The following PRLR variants were observed in gnomAD, a reference collection of about 807,000 sequenced individuals.
PRLR encodes hPRL receptor.
A neutral mutation model predicts 40.2 loss-of-function variants in PRLR; 13 were observed. That is an observed-to-expected ratio of 0.32 (90% CI 0.21 to 0.51). PRLR has a LOEUF of 0.51. Ranked by LOEUF, PRLR falls within the 20% of genes least tolerant of loss-of-function variation. PRLR has a pLI of 0.97. For missense variants in PRLR, 656 were observed against 747.3 expected (o/e 0.88, Z 1.42); for synonymous variants, 269 against 278.7 (o/e 0.97, Z 0.35).
chr5:35,148,516 T>C (rs1273870123), intron 1 of PRLR, among the ~76,000 whole-genome samples: 2 of 152,122 alleles, frequency 1.3e-5, no homozygotes, highest in Non-Finnish European at 2.9e-5. Flanking sequence ...CAGATTTGGG[T>C]TGGAATCCAA....
intron 1 of PRLR, among the ~76,000 whole-genome samples, chr5:35,209,874 C>T (rs1368900257): frequency 6.6e-6 from 1 of 152,232 alleles, no homozygotes; most frequent in Non-Finnish European, 1.5e-5. Flanking sequence ...CTATAGGCAT[C>T]TACTCTGGCC....
intron 1 of PRLR, among the ~76,000 whole-genome samples, chr5:35,167,138 C>CATCTATCTATCTATCTATCT (rs10524859): frequency 6.8e-6 from 1 of 147,270 alleles, no homozygotes; most frequent in Non-Finnish European, 1.5e-5. Flanking sequence ...GTTTGTCTAT[C>CATCTATCTATCTATCTATCT]ATCTATCTAT....
At chr5:35,109,409 T>C (rs115389997) in intron 2 of PRLR, among the ~76,000 whole-genome samples, 9,010 of 152,016 alleles carry the variant, frequency 0.059, 627 homozygotes, top group East Asian at 0.18. Context: ...GCAAAAGAAA[T>C]CACCATCAGA....
intron 1 of PRLR, among the ~76,000 whole-genome samples, chr5:35,208,770 T>C (rs1776088462): frequency 6.6e-6 from 1 of 152,016 alleles, no homozygotes; most frequent in Non-Finnish European, 1.5e-5. Flanking sequence ...TTTACATCTA[T>C]TAATGATAAA....
Position 35,060,735 on chromosome 5 carries a change from C to A in PRLR, c.*4354G>T, listed in dbSNP as rs1468737108. 4 of 152,198 alleles carry A rather than the reference C, an allele frequency of 2.6e-5. No homozygotes were observed. The highest frequency in any genetic ancestry group is 5.9e-5 in the Non-Finnish European group (4 of 68,026). The allele number at this position is 152,198 out of a possible 1,614,324, so 9.4% of individuals were successfully genotyped here. A position where few individuals can be genotyped will look rare whatever the true frequency, so the allele number is the denominator to read the frequency against. On this transcript the variant is annotated 3_prime_UTR_variant, in exon 10 of 10. Transcript: ENST00000618457. ...TTTGTTCACTCAAGAACACATGAGA[C>A]TTTCGTCAATGGCACATCTACGTTA...
intron 1 of PRLR, among the ~76,000 whole-genome samples, chr5:35,149,372 T>C (rs543242446): frequency 6.6e-6 from 1 of 152,326 alleles, no homozygotes; most frequent in South Asian, 2.1e-4. Flanking sequence ...GGAAGCTGTA[T>C]AGTTTTAGCA....
At chr5:35,217,566 T>A (rs1351911298) in intron 1 of PRLR, among the ~76,000 whole-genome samples, 1 of 152,196 alleles carries the variant, frequency 6.6e-6, no homozygotes, top group Non-Finnish European at 1.5e-5. Flanking sequence ...AGTCATAGCA[T>A]CTTGCGTGTG....
At chr5:35,205,288 A>G (rs1309359596) in intron 1 of PRLR, among the ~76,000 whole-genome samples, 1 of 152,138 alleles carries the variant, frequency 6.6e-6, no homozygotes, top group Non-Finnish European at 1.5e-5. Context: ...GGAAAATTCT[A>G]GATAATACCA....
intron 1 of PRLR, among the ~76,000 whole-genome samples, chr5:35,135,656 C>T (rs1470563430): frequency 6.6e-6 from 1 of 152,222 alleles, no homozygotes; most frequent in Admixed American, 6.5e-5. Context: ...CAGTATCTTC[C>T]TGTCTTTCCA....
chr5:35,099,870 C>G (rs249529), intron 2 of PRLR, among the ~76,000 whole-genome samples: 7,846 of 152,018 alleles, frequency 0.052, 465 homozygotes, highest in East Asian at 0.18. Context: ...GTGTTTTAAG[C>G]CAAGTATTAT....
intron 1 of PRLR, among the ~76,000 whole-genome samples, chr5:35,168,603 G>T (rs1049108473): frequency 3.3e-5 from 5 of 151,798 alleles, no homozygotes; most frequent in Admixed American, 2.6e-4. Flanking sequence ...TAATAAACCC[G>T]TGGGTCTAAG....
chr5:35,172,529 T>C (rs535520120), intron 1 of PRLR, among the ~76,000 whole-genome samples: 1 of 152,326 alleles, frequency 6.6e-6, no homozygotes, highest in South Asian at 2.1e-4. Flanking sequence ...CCTCTGACCC[T>C]TCCGACATGG....
chr5:35,204,329 T>G (rs948408190), intron 1 of PRLR, among the ~76,000 whole-genome samples: 1 of 151,992 alleles, frequency 6.6e-6, no homozygotes, highest in South Asian at 2.1e-4. Flanking sequence ...TGAGAGTATA[T>G]AATACTCAAG....
chr5:35,100,217 A>G (rs1417175095), intron 2 of PRLR, among the ~76,000 whole-genome samples: 1 of 151,674 alleles, frequency 6.6e-6, no homozygotes, highest in Non-Finnish European at 1.5e-5. Context: ...AAATGAGTTT[A>G]AGAAAGTTTA....
chr5:35,120,775 C>T (rs1277553198), intron 1 of PRLR, among the ~76,000 whole-genome samples: 2 of 152,202 alleles, frequency 1.3e-5, no homozygotes. Context: ...CCCTGCTCCT[C>T]ACTTTAGGAA....
intron 3 of PRLR, among the ~76,000 whole-genome samples, chr5:35,087,555 A>C (rs1561285003): frequency 6.6e-6 from 1 of 151,118 alleles, no homozygotes; most frequent in Non-Finnish European, 1.5e-5. Flanking sequence ...AATTTGATGG[A>C]TCTTTTTGGG....
intron 2 of PRLR, among the ~76,000 whole-genome samples, chr5:35,108,724 AC>A (rs1772439324): frequency 6.6e-6 from 1 of 152,226 alleles, no homozygotes; most frequent in African/African-American, 2.4e-5. Flanking sequence ...GAGGACATAA[AC>A]AAATGGAAGA....
intron 1 of PRLR, among the ~76,000 whole-genome samples, chr5:35,153,741 GCACACACTA>G (rs1299768769): frequency 7.0e-5 from 10 of 143,454 alleles, no homozygotes; most frequent in East Asian, 6.5e-4. Context: ...CACACACACT[GCACACACTA>G]CACACACTAC....
At chr5:35,164,039 G>A (rs577423607) in intron 1 of PRLR, among the ~76,000 whole-genome samples, 1 of 152,322 alleles carries the variant, frequency 6.6e-6, no homozygotes, top group East Asian at 1.9e-4. Context: ...TTGAAGCTGA[G>A]GTTTGAGATA....
Sources: allele counts gnomAD v4.1 joint callset (sites outside exome capture counted in the v4.1 genomes callset), GRCh38; gene constraint gnomAD v4.1.1; transcripts MANE v1.5; gene names NCBI Gene and HGNC (gene_info 2026-07-23, HGNC 2026-07-21).